Variants in EP400 observed in about 807,000 individuals in gnomAD.
The protein encoded by EP400 is E1A binding protein p400, also known as E1A-binding protein p400.
Under a neutral mutation model 354.1 loss-of-function variants are expected in EP400, and 105 were observed. The ratio of observed to expected loss-of-function variants is 0.30; its 90% CI spans 0.25 to 0.35. The LOEUF is 0.35. Among genes scored for constraint, EP400 ranks in the 10% least tolerant of loss-of-function variants. The pLI is 1.00. For synonymous variants in EP400, 1,646 were observed against 1,716.9 expected, an observed-to-expected ratio of 0.96 and a Z score of 1.02; for missense variants, 3,280 against 4,121.0, an observed-to-expected ratio of 0.80 and a Z score of 5.59.
chr12:132,054,985 T>TAAA lies in EP400; in HGVS notation c.7742_7744dup (p.Lys2581dup). 1 of 1,613,900 alleles carries TAAA rather than the reference T, an allele frequency of 6.2e-7. No homozygotes were observed. The stretch of plus-strand genomic sequence containing the variant: ...TTTTTTTTAAATAGGCAGGAACCAT[T>TAAA]AAAACATCAGTTACTGGGACGAGCA... On this transcript the variant is annotated inframe_insertion, in exon 44 of 53. Transcript: ENST00000389561. This position sits in a 1 kb window ranked among gnomAD's most constrained non-coding sequence, Gnocchi z 4.0.
Position 132,052,690 on chromosome 12 carries a change from T to A in EP400, c.7395-456T>A, listed in dbSNP as rs1895338383. 6.6e-6 allele frequency among the ~76,000 whole-genome samples: 1 copy of A among 151,842 alleles called. No homozygotes were observed. The highest frequency in any genetic ancestry group is 2.4e-5 in the African/African-American group (1 of 41,314). On this transcript the variant is annotated intron_variant, in intron 41 of 52. Transcript: ENST00000389561. The surrounding 1 kb of genome is among the most constrained non-coding windows in gnomAD (Gnocchi z 4.4). ...TAAATGAAGAGTTAATTCACCCTAC[T>A]AATATTTATGGACCGCGGGCCTGCG...
intron 12 of EP400, among the ~76,000 whole-genome samples, chr12:131,997,979 G>A (rs1356264856): frequency 6.6e-6 from 1 of 152,200 alleles, no homozygotes. Context: ...CTCTTAGGTT[G>A]TGAAATGAGT....
chr12:132,052,289 G>A lies in EP400; in HGVS notation c.7395-857G>A, dbSNP rs1895318796. Among the ~76,000 whole-genome samples the A allele has an allele frequency of 6.6e-6, 1 of 152,166 alleles. No individual in the cohort carries two copies. Among genetic ancestry groups the A allele is most frequent in the African/African-American group, 2.4e-5 (1 of 41,436 alleles). ...AGTGGCGGATTTGGGAGGCTTCCTC[G>A]TTCTGTGGCCCCCTTTCCGCACAGT... On this transcript the variant is annotated intron_variant, in intron 41 of 52. Coordinates refer to ENST00000389561, the MANE Select transcript of EP400 (RefSeq NM_015409.5). This position sits in a 1 kb window ranked among gnomAD's most constrained non-coding sequence, Gnocchi z 4.4.
rs1181979164 is a variant in EP400, at chr12:132,025,849, T to A, written c.5014+45T>A. ...AGGGAGACTTGGCTTGGATGCTTCT[T>A]TCTCTTCCATCTAAGGCGAGTGGAA... On this transcript the variant is annotated intron_variant, in intron 25 of 52. Transcript: ENST00000389561. The surrounding 1 kb of genome is among the most constrained non-coding windows in gnomAD (Gnocchi z 4.1). The A allele has an allele frequency of 2.6e-6, 4 of 1,526,342 alleles. No individual in the cohort carries two copies. The South Asian group carries it at 5.1e-5, about 19-fold the overall frequency. 94.5% of individuals were successfully genotyped at this position (1,526,342 alleles called of 1,614,324 possible).
intron 11 of EP400, among the ~76,000 whole-genome samples, chr12:131,993,475 T>A (rs1169794742): frequency 6.6e-6 from 1 of 152,232 alleles, no homozygotes; most frequent in African/African-American, 2.4e-5. Flanking sequence ...GAGGAACACC[T>A]TTTCTCTGGC....
At chr12:131,981,722 T>C in intron 4 of EP400, 126 bp downstream of exon 4, 1 of 744,196 alleles carries the variant, frequency 1.3e-6, no homozygotes, top group Non-Finnish European at 2.2e-6. Flanking sequence ...TGCCTGAAAT[T>C]GAGATACTTC....
chr12:132,036,476 G>T (rs1443509654), intron 30 of EP400, among the ~76,000 whole-genome samples: 1 of 152,246 alleles, frequency 6.6e-6, no homozygotes, highest in Non-Finnish European at 1.5e-5. Flanking sequence ...CGTCGTGGAA[G>T]CACGCACCCA....
chr12:132,004,948 A>C, intron 12 of EP400, 129 bp from the exon 13 acceptor site: 2 of 731,910 alleles, frequency 2.7e-6, no homozygotes, highest in Non-Finnish European at 4.9e-6. Context: ...TAAAGCTGGA[A>C]AAAGGAATAC....
chr12:132,027,353 T>G lies in EP400; in HGVS notation c.5015-84T>G. 16 of 1,366,470 alleles carry G rather than the reference T, an allele frequency of 1.2e-5. No homozygotes were observed. Among genetic ancestry groups the G allele is most frequent in the Non-Finnish European group, 1.7e-5 (16 of 962,118 alleles). 84.6% of individuals were successfully genotyped at this position (1,366,470 alleles called of 1,614,324 possible). ...TTCTGTGGAGTGTGCTGGTGGAGGG[T>G]GAGGTTCCATGGAGCATGCTGGTGT... is the stretch of plus-strand genomic sequence containing the variant. On this transcript the variant is annotated intron_variant, in intron 25 of 52. Coordinates refer to ENST00000389561, the MANE Select transcript of EP400 (RefSeq NM_015409.5). This position sits in a 1 kb window ranked among gnomAD's most constrained non-coding sequence, Gnocchi z 4.9.
In EP400 at chr12:132,062,509, T is replaced by C. The variant is rs1402067229; in HGVS notation, c.8142T>C (p.His2714=). The change falls in exon 47 of 53, where the codon CAT becomes CAC. Residue 2714 remains histidine (H), a synonymous_variant. Transcript: ENST00000389561. Reference sequence around the variant, plus strand: ...CTGGAAAAACCATCACACCTGCACATTTCCAGCTTCTCAGGCAGCAGCAGC... The same window carrying C: ...CTGGAAAAACCATCACACCTGCACACTTCCAGCTTCTCAGGCAGCAGCAGC... ...QLPGKTITPA[H]FQLLRQQQQQ... is the part of the protein sequence containing the mutation. The C allele has an allele frequency of 6.2e-7, 1 of 1,611,796 alleles. No homozygotes were observed. Among genetic ancestry groups the C allele is most frequent in the South Asian group, 1.1e-5 (1 of 91,040 alleles).
intron 12 of EP400, among the ~76,000 whole-genome samples, chr12:131,995,772 C>T (rs978830642): frequency 7.9e-6 from 1 of 125,816 alleles, no homozygotes; most frequent in Admixed American, 7.7e-5. Context: ...ACTGAATGTA[C>T]CGTTCATCTT....
At chr12:131,955,770 G>A (rs974688116) in intron 1 of EP400, among the ~76,000 whole-genome samples, 7 of 151,966 alleles carry the variant, frequency 4.6e-5, no homozygotes, top group Non-Finnish European at 7.4e-5. Context: ...TCAGCCTCCC[G>A]AGTAGCTGTG....
In EP400 at chr12:131,994,905, A is replaced by G. The variant is rs1273964126; in HGVS notation, c.2776A>G (p.Asn926Asp). 1.2e-6 allele frequency: 2 copies of G among 1,614,118 alleles called. No individual in the cohort carries two copies. The highest frequency in any genetic ancestry group is 2.2e-5 in the East Asian group (1 of 44,880). The change falls in exon 12 of 53, where the codon AAT (asparagine) becomes GAT (aspartate). Residue 926 changes from asparagine to aspartate, a missense_variant. Around this residue, in one of 20 missense-constraint regions of EP400, gnomAD observed 800 missense variants for 840.0 expected, o/e 0.95. Coordinates refer to ENST00000389561, the MANE Select transcript of EP400 (RefSeq NM_015409.5). This position sits in a 1 kb window ranked among gnomAD's most constrained non-coding sequence, Gnocchi z 4.6. The stretch of plus-strand genomic sequence containing the variant: ...GGAAACAATTGAAGAGGAGGAAGCA[A>G]ATGAAGGCGTTGTGGACCACCAAAC... ...EEETIEEEEANEGVVDHQTEL... is the reference protein window; with the variant it reads ...EEETIEEEEADEGVVDHQTEL...
chr12:132,011,419 G>T (rs945035674), intron 15 of EP400, 79 bp from the exon 16 acceptor site: 1 of 1,545,254 alleles, frequency 6.5e-7, no homozygotes, highest in Admixed American at 1.9e-5. Context: ...CTGATGAAGC[G>T]TCTCTGGTCA....
chr12:132,067,605 C>A lies in EP400; in HGVS notation c.8874+119C>A. On this transcript the variant is annotated intron_variant, in intron 50 of 52. Coordinates refer to ENST00000389561, the MANE Select transcript of EP400 (RefSeq NM_015409.5). The surrounding 1 kb of genome is among the most constrained non-coding windows in gnomAD (Gnocchi z 5.3). ...GCGGCTCACGCTTTTCAGAGGGTGG[C>A]TTCAAGGGCTGGAGGTGCTAGTGTG... The A allele has an allele frequency of 1.4e-6, 2 of 1,407,952 alleles. No individual in the cohort carries two copies. Among genetic ancestry groups the A allele is most frequent in the Non-Finnish European group, 9.6e-7 (1 of 1,046,280 alleles). The allele number at this position is 1,407,952 out of a possible 1,614,324, so 87.2% of individuals were successfully genotyped here. A position where few individuals can be genotyped will look rare whatever the true frequency, so the allele number is the denominator to read the frequency against.
intron 2 of EP400, among the ~76,000 whole-genome samples, chr12:131,969,063 A>G (rs1192873395): frequency 7.1e-6 from 1 of 140,684 alleles, no homozygotes; most frequent in Non-Finnish European, 1.5e-5. Flanking sequence ...TTTTTATCGT[A>G]TTGGCAAGGG....
intron 1 of EP400, among the ~76,000 whole-genome samples, chr12:131,954,663 C>T (rs1012000297): frequency 7.4e-6 from 1 of 135,122 alleles, no homozygotes; most frequent in Non-Finnish European, 1.5e-5. Flanking sequence ...AGGCGGAGGG[C>T]GCAGTGAGCC....
chr12:131,970,161 G>T (rs1304590248), intron 2 of EP400, among the ~76,000 whole-genome samples: 2 of 152,192 alleles, frequency 1.3e-5, no homozygotes, highest in Non-Finnish European at 2.9e-5. Flanking sequence ...ATATATTAAT[G>T]CATTTATAGA....
intron 24 of EP400, among the ~76,000 whole-genome samples, chr12:132,024,992 A>G (rs1335950930): frequency 6.6e-6 from 1 of 151,798 alleles, no homozygotes; most frequent in African/African-American, 2.4e-5. Context: ...TTAGAGAGAC[A>G]CACACGTCTC....
Sources: gnomAD v4.1 joint callset for allele counts (sites outside exome capture counted in the v4.1 genomes callset) on GRCh38, gnomAD v4.1.1 for gene constraint, gnomAD v4.1.1 regional missense constraint, Gnocchi (gnomAD v3.1) non-coding constraint, MANE v1.5 for transcripts, NCBI Gene and HGNC (gene_info 2026-07-23, HGNC 2026-07-21) for gene names.